Variants in ERBB3 observed in about 807,000 individuals in gnomAD.
The protein encoded by ERBB3 is receptor tyrosine-protein kinase erbB-3.
In ERBB3, 96 loss-of-function variants were observed where a neutral mutation model predicts 156.7. The ratio of observed to expected loss-of-function variants is 0.61; its 90% confidence interval spans 0.52 to 0.73. The LOEUF (loss-of-function observed/expected upper bound fraction) is 0.73. Among genes scored for constraint, ERBB3 ranks in the 30% least tolerant of loss-of-function variants. The pLI is 0.00. For synonymous variants in ERBB3, 567 were observed against 632.0 expected (o/e 0.90, Z 1.54); for missense variants, 1,406 against 1,709.4 (o/e 0.82, Z 3.13).
chr12:56,087,177 G>T (rs1351283254), intron 4 of ERBB3, among the ~76,000 whole-genome samples: 75 of 150,910 alleles, frequency 5.0e-4, no homozygotes, highest in Non-Finnish European at 1.9e-4. Context: ...AAGCAGGGAA[G>T]CCAGATCTTT....
Position 56,094,106 on chromosome 12 carries a change from C to G in ERBB3, c.1621C>G (p.Arg541Gly), listed in dbSNP as rs1364442803. 1.2e-6 allele frequency: 2 copies of G among 1,611,878 alleles called. No homozygotes were observed. The highest frequency in any genetic ancestry group is 1.6e-4 in the Middle Eastern group (1 of 6,082). The change falls in exon 14 of 28, where the codon CGA becomes GGA. Residue 541 changes from arginine (R) to glycine (G), a missense_variant. By Grantham distance (125) the Arg-to-Gly change is moderately radical (BLOSUM62 -2). This residue lies in a region of ERBB3 where 979 missense variants were observed against 1,219.6 expected (regional missense o/e 0.80). Transcript: ENST00000267101. ...THCNFLNGEP[R>G]EFAHEAECFS... The stretch of plus-strand genomic sequence containing the variant: ...CTTTATTCCCCACTACAGGGAGCCT[C>G]GAGAATTTGCCCATGAGGCCGAATG...
chr12:56,097,059 T>C lies in ERBB3; in HGVS notation c.2289T>C (p.Ile763=), dbSNP rs1392293938. The C allele has an allele frequency of 6.2e-7, 1 of 1,613,988 alleles. No homozygotes were observed. The highest frequency in any genetic ancestry group is 8.5e-7 in the Non-Finnish European group (1 of 1,179,986). Reference sequence around the variant, plus strand: ...GTGTCTCTTAGCATATGCTGGCCATTGGCAGCCTGGACCATGCCCACATTG... The same window carrying C: ...GTGTCTCTTAGCATATGCTGGCCATCGGCAGCCTGGACCATGCCCACATTG... ...FQAVTDHMLA[I]GSLDHAHIVR... is the part of the protein sequence containing the mutation. Residue 763 remains isoleucine (I), a synonymous_variant, in exon 20 of 28, where the codon ATT becomes ATC. Coordinates refer to ENST00000267101, the MANE Select transcript of ERBB3 (RefSeq NM_001982.4).
At chr12:56,099,624 C>T in intron 23 of ERBB3, 24 bp from the exon 24 acceptor site, 1 of 1,595,760 alleles carries the variant, frequency 6.3e-7, no homozygotes. Context: ...TTTTATGTCT[C>T]TACCTCCTAC....
rs1868681209 is a variant in ERBB3, at chr12:56,091,287, T to TATAAAAATA, written c.1110-1457_1110-1456insAAAATAATA. On this transcript the variant is annotated intron_variant, in intron 9 of 27. Transcript: ENST00000267101. ...AATTTTATATATATATATATATATA[T>TATAAAAATA]ATATATATAAATAATATATATAAAT... Among the ~76,000 whole-genome samples, 3 of 61,442 alleles carry TATAAAAATA rather than the reference T, an allele frequency of 4.9e-5. No individual in the cohort carries two copies. The Admixed American group carries it at 6.3e-4, about 13-fold the overall frequency. 40.3% of individuals were successfully genotyped at this position (61,442 alleles called of 152,430 possible).
intron 27 of ERBB3, 33 bp downstream of exon 27, chr12:56,101,394 T>C (rs761638351): frequency 8.7e-6 from 14 of 1,610,972 alleles, no homozygotes; most frequent in Non-Finnish European, 1.2e-5. Flanking sequence ...TTCCTCAATT[T>C]TTCCTCGAAT....
In ERBB3 at chr12:56,088,081, TACA is replaced by T. The variant is rs768003972; in HGVS notation, c.798_800del (p.Asn266del). The T allele has an allele frequency of 1.2e-6, 2 of 1,614,132 alleles. No individual in the cohort carries two copies. Among genetic ancestry groups the T allele is most frequent in the South Asian group, 2.2e-5 (2 of 91,082 alleles). Reference sequence around the variant, plus strand: ...ACCTCGCTGTCCACAGCCTCTTGTCTACAACAAGCTAACTTTCCAGCTGGAACC... The same window carrying T: ...ACCTCGCTGTCCACAGCCTCTTGTCTACAAGCTAACTTTCCAGCTGGAACC... On this transcript the variant is annotated inframe_deletion, in exon 7 of 28. Transcript: ENST00000267101.
chr12:56,100,112 C>A (rs2136826607), intron 25 of ERBB3, 62 bp from the exon 26 acceptor site: 3 of 1,583,362 alleles, frequency 1.9e-6, no homozygotes, highest in Middle Eastern at 3.3e-4. Context: ...TACTCAAAGG[C>A]CCCCATGGTG....
chr12:56,100,407 CAG>C (rs954243274), intron 26 of ERBB3, 162 bp downstream of exon 26: 25 of 686,946 alleles, frequency 3.6e-5, no homozygotes, highest in Admixed American at 2.1e-4. Context: ...TTTGGGAGGC[CAG>C]AGAGAGTGGA....
In ERBB3 at chr12:56,088,163, G is replaced by C. The variant is rs755433568; in HGVS notation, c.874+1G>C. On this transcript the variant is annotated splice_donor_variant, in intron 7 of 27. Transcript: ENST00000267101. LOFTEE classifies it high-confidence loss of function. ...GGAGTTTGTGTAGCCAGCTGTCCCC[G>C]TAAGTGTCTGAGGGGAAGGAACAAT... The C allele has an allele frequency of 6.2e-7, 1 of 1,613,892 alleles. No individual in the cohort carries two copies. The highest frequency in any genetic ancestry group is 1.7e-5 in the Admixed American group (1 of 60,014).
intron 26 of ERBB3, among the ~76,000 whole-genome samples, chr12:56,100,707 C>G (rs1228102181): frequency 6.7e-6 from 1 of 149,044 alleles, no homozygotes; most frequent in Admixed American, 6.7e-5. Context: ...TTTGGGAGGC[C>G]GAGGTGGGCG....
chr12:56,091,287 T>TAAATATAA (rs1335921798), intron 9 of ERBB3, among the ~76,000 whole-genome samples: 6 of 61,444 alleles, frequency 9.8e-5, no homozygotes, highest in African/African-American at 3.2e-4. Context: ...TATATATATA[T>TAAATATAA]ATATATATAA....
At chr12:56,087,481 G>T in intron 4 of ERBB3, 96 bp from the exon 5 acceptor site, 1 of 1,068,758 alleles carries the variant, frequency 9.4e-7, no homozygotes, top group Non-Finnish European at 1.5e-6. Context: ...TGCTTCCCGG[G>T]ATTGAGGTGC....
chr12:56,098,110 A>G, intron 21 of ERBB3, 170 bp downstream of exon 21: 1 of 701,918 alleles, frequency 1.4e-6, no homozygotes, highest in Non-Finnish European at 2.3e-6. Flanking sequence ...ATAATGATCA[A>G]GAACTTGGGA....
rs1411380174 is a variant in ERBB3 at position 56,088,131 on chromosome 12, G to A, written c.843G>A (p.Gln281=). The change falls in exon 7 of 28, where the codon CAG becomes CAA. Residue 281 remains glutamine (Q), a synonymous_variant. Coordinates refer to ENST00000267101, the MANE Select transcript of ERBB3 (RefSeq NM_001982.4). ...QLEPNPHTKY[Q]YGGVCVASCP... is the part of the protein sequence containing the mutation. Reference sequence around the variant, plus strand: ...AACCCAATCCCCACACCAAGTATCAGTATGGAGGAGTTTGTGTAGCCAGCT... The same window carrying A: ...AACCCAATCCCCACACCAAGTATCAATATGGAGGAGTTTGTGTAGCCAGCT... 1 of 1,614,202 alleles carries A rather than the reference G, an allele frequency of 6.2e-7. No homozygotes were observed. The highest frequency in any genetic ancestry group is 1.7e-5 in the Admixed American group (1 of 60,010).
In ERBB3 at chr12:56,083,833, G is replaced by A. The variant is rs1868390505; in HGVS notation, c.165G>A (p.Arg55=). ...QYQTLYKLYE[R]CEVVMGNLEI... ...AGACACTGTACAAGCTCTACGAGAG[G>A]TGTGAGGTGGTGATGGGGAACCTTG... Residue 55 remains arginine, a synonymous_variant, in exon 2 of 28, where the codon AGG becomes AGA. Transcript: ENST00000267101. The A allele has an allele frequency of 6.2e-7, 1 of 1,614,050 alleles. No individual in the cohort carries two copies. Among genetic ancestry groups the A allele is most frequent in the African/African-American group, 1.3e-5 (1 of 74,914 alleles).
chr12:56,085,620 T>G (rs1479102895), intron 3 of ERBB3: 1 of 254,448 alleles, frequency 3.9e-6, no homozygotes, highest in Non-Finnish European at 7.4e-6. Flanking sequence ...AAAAATTAGC[T>G]GGCTATAGTG....
chr12:56,088,938 A>C, intron 9 of ERBB3, 70 bp downstream of exon 9: 1 of 1,597,234 alleles, frequency 6.3e-7, no homozygotes. Flanking sequence ...CATTGGCCAA[A>C]ACTTTCCTAT....
At chr12:56,100,701 G>A (rs1328094832) in intron 26 of ERBB3, among the ~76,000 whole-genome samples, 4 of 150,354 alleles carry the variant, frequency 2.7e-5, no homozygotes, top group Admixed American at 6.6e-5. Context: ...TAGCACTTTG[G>A]GAGGCCGAGG....
At position 56,088,095 on chromosome 12, in the gene ERBB3, T is replaced by C. The variant is rs776358318; in HGVS notation, c.807T>C (p.Thr269=). The change falls in exon 7 of 28, where the codon ACT becomes ACC. Residue 269 remains threonine (T), a synonymous_variant. Transcript: ENST00000267101. ...AGCCTCTTGTCTACAACAAGCTAACTTTCCAGCTGGAACCCAATCCCCACA... is the reference window on the plus strand; with the variant it reads ...AGCCTCTTGTCTACAACAAGCTAACCTTCCAGCTGGAACCCAATCCCCACA... ...CPQPLVYNKL[T]FQLEPNPHTK... The C allele has an allele frequency of 9.3e-6, 15 of 1,614,176 alleles. No individual in the cohort carries two copies. The South Asian group carries it at 1.5e-4, about 17-fold the overall frequency.
Sources: gnomAD v4.1 joint callset for allele counts (sites outside exome capture counted in the v4.1 genomes callset) on GRCh38, gnomAD v4.1.1 for gene constraint, gnomAD v4.1.1 regional missense constraint, MANE v1.5 for transcripts, NCBI Gene and HGNC (gene_info 2026-07-23, HGNC 2026-07-21) for gene names.